Variants in AVL9 observed in about 807,000 individuals in gnomAD.
AVL9 encodes AVL9 cell migration associated, also known as late secretory pathway protein AVL9 homolog.
In AVL9, 49 loss-of-function variants were observed where a neutral mutation model predicts 79.2. The ratio of observed to expected loss-of-function variants is 0.62; its 90% confidence interval spans 0.49 to 0.79. The LOEUF (loss-of-function observed/expected upper bound fraction) is 0.79. AVL9 is among the 30% of genes least tolerant of loss of function. The pLI is 0.00. For missense variants in AVL9, 682 were observed against 776.8 expected (o/e 0.88, Z 1.45); for synonymous variants, 299 against 280.6 (o/e 1.07, Z -0.65).
intron 1 of AVL9, among the ~76,000 whole-genome samples, chr7:32,502,631 G>A (rs1373792685): frequency 6.6e-6 from 1 of 152,090 alleles, no homozygotes; most frequent in Non-Finnish European, 1.5e-5. Flanking sequence ...GAACATCCTT[G>A]TGGCTTTTTG....
At chr7:32,532,646 C>T (rs1370851511) in intron 1 of AVL9, 1 of 152,212 alleles carries the variant, frequency 6.6e-6, no homozygotes, top group East Asian at 1.9e-4. Flanking sequence ...AATAATAGCT[C>T]TTTAATTCTA....
chr7:32,566,417 C>T (rs1158969122), intron 10 of AVL9, among the ~76,000 whole-genome samples: 1 of 150,946 alleles, frequency 6.6e-6, no homozygotes, highest in Non-Finnish European at 1.5e-5. Flanking sequence ...AGTCTGCCCA[C>T]CCTAGCCTTC....
chr7:32,546,950 C>G (rs189359007), intron 3 of AVL9, among the ~76,000 whole-genome samples: 29 of 152,222 alleles, frequency 1.9e-4, no homozygotes, highest in African/African-American at 7.0e-4. Flanking sequence ...GCATGCTGCT[C>G]AAAAGACAGG....
rs1268487372 is a variant in AVL9, at chr7:32,504,596, A to G, written c.93+8794A>G. Among the ~76,000 whole-genome samples, 5 of 152,236 alleles carry G rather than the reference A, an allele frequency of 3.3e-5. No individual in the cohort carries two copies. The East Asian group carries it at 9.6e-4, about 29-fold the overall frequency. On this transcript the variant is annotated intron_variant, in intron 1 of 15. Coordinates refer to ENST00000318709, the MANE Select transcript of AVL9 (RefSeq NM_015060.3). ...TATGGACTTCAGTTTCTTCATCTAT[A>G]AAATGAGAGTTTTAAAGTAGGTGAC...
At chr7:32,575,855 C>A in intron 12 of AVL9, 100 bp from the exon 13 acceptor site, 1 of 757,736 alleles carries the variant, frequency 1.3e-6, no homozygotes, top group Non-Finnish European at 2.2e-6. Flanking sequence ...TATGGGAGGG[C>A]AAGGGGATAA....
chr7:32,524,956 G>T (rs1788335831), intron 1 of AVL9, among the ~76,000 whole-genome samples: 1 of 152,154 alleles, frequency 6.6e-6, no homozygotes, highest in African/African-American at 2.4e-5. Flanking sequence ...CATAGATCTT[G>T]CTACCTGGAT....
chr7:32,564,819 A>G (rs1385325636), intron 10 of AVL9, among the ~76,000 whole-genome samples: 1 of 152,212 alleles, frequency 6.6e-6, no homozygotes, highest in Non-Finnish European at 1.5e-5. Context: ...GGCTGCCTAT[A>G]GGGTGATGGG....
Position 32,544,748 on chromosome 7 carries a change from G to A in AVL9, c.269G>A (p.Gly90Asp). Residue 90 changes from glycine to aspartate, a missense_variant, in exon 3 of 16, where the codon GGT becomes GAT. Physicochemically the swap from Gly to Asp is moderately conservative, Grantham distance 94. Coordinates refer to ENST00000318709, the MANE Select transcript of AVL9 (RefSeq NM_015060.3). ...PRNGNGATVF[G>D]ISCYRQIEAK... ...AATGGAAATGGAGCCACAGTATTTGGTATCTCTTGCTATCGACAAATTGAA... is the reference window on the plus strand; with the variant it reads ...AATGGAAATGGAGCCACAGTATTTGATATCTCTTGCTATCGACAAATTGAA... 6.2e-7 allele frequency: 1 copy of A among 1,613,638 alleles called. No homozygotes were observed. Among genetic ancestry groups the A allele is most frequent in the South Asian group, 1.1e-5 (1 of 91,000 alleles).
At chr7:32,576,095 G>T in intron 13 of AVL9, 23 bp downstream of exon 13, 2 of 1,513,666 alleles carry the variant, frequency 1.3e-6, no homozygotes, top group Non-Finnish European at 1.8e-6. Context: ...TCTGAAGATT[G>T]ATAGTACATA....
intron 1 of AVL9, among the ~76,000 whole-genome samples, chr7:32,497,608 C>T (rs1344237174): frequency 6.6e-6 from 1 of 150,902 alleles, no homozygotes; most frequent in Admixed American, 6.6e-5. Context: ...TTAGACTGCT[C>T]TTCCAAGTAT....
At chr7:32,497,653 C>CTTT (rs59504023) in intron 1 of AVL9, among the ~76,000 whole-genome samples, 15 of 117,104 alleles carry the variant, frequency 1.3e-4, no homozygotes, top group Non-Finnish European at 1.4e-4. Flanking sequence ...ACCATTAGTT[C>CTTT]TTTTTTTTTT....
intron 1 of AVL9, among the ~76,000 whole-genome samples, chr7:32,541,905 G>A (rs1789227378): frequency 6.6e-6 from 1 of 151,910 alleles, no homozygotes; most frequent in Admixed American, 6.6e-5. Flanking sequence ...AGTAGGGACG[G>A]GATTTCACCA....
intron 6 of AVL9, 37 bp downstream of exon 6, chr7:32,552,332 C>T (rs553935912): frequency 7.5e-7 from 1 of 1,329,040 alleles, no homozygotes; most frequent in African/African-American, 1.5e-5. Flanking sequence ...GAGATCCCCT[C>T]ATTTCTATTT....
chr7:32,495,625 TCC>T lies in AVL9; in HGVS notation c.-84_-83del, dbSNP rs1165033568. On this transcript the variant is annotated 5_prime_UTR_variant, in exon 1 of 16. Coordinates refer to ENST00000318709, the MANE Select transcript of AVL9 (RefSeq NM_015060.3). ...GTGCTGTGCTCGCTGACACCCGAAGTCCGCGGCTTTCCGCACACGGTGGGGTC... is the reference window on the plus strand; with the variant it reads ...GTGCTGTGCTCGCTGACACCCGAAGTGCGGCTTTCCGCACACGGTGGGGTC... The T allele has an allele frequency of 2.2e-6, 2 of 915,346 alleles. No individual in the cohort carries two copies. Among genetic ancestry groups the T allele is most frequent in the African/African-American group, 3.5e-5 (2 of 57,956 alleles). The allele number at this position is 915,346 out of a possible 1,614,324, so 56.7% of individuals were successfully genotyped here. A position where few individuals can be genotyped will look rare whatever the true frequency, so the allele number is the denominator to read the frequency against.
At chr7:32,544,620 ATAGCTTCAGATTATAC>A in intron 2 of AVL9, 58 bp from the exon 3 acceptor site, 1 of 1,017,166 alleles carries the variant, frequency 9.8e-7, no homozygotes, top group South Asian at 1.4e-5. Flanking sequence ...CTGCATTATG[ATAGCTTCAGATTATAC>A]TACTTATTAA....
rs1272226275 is a variant in AVL9 at position 32,587,383 on chromosome 7, T to C, written c.*3476T>C. ...TCACCCTGGCAGGTAGGTTTTGTTA[T>C]TGTTTTACATTTTGTGAAAAAAAGT... is the stretch of plus-strand genomic sequence containing the variant. On this transcript the variant is annotated 3_prime_UTR_variant, in exon 16 of 16. Transcript: ENST00000318709. 2 of 152,246 alleles carry C rather than the reference T, an allele frequency of 1.3e-5. No individual in the cohort carries two copies. Among genetic ancestry groups the C allele is most frequent in the Non-Finnish European group, 2.9e-5 (2 of 68,052 alleles). The allele number at this position is 152,246 out of a possible 1,614,324, so 9.4% of individuals were successfully genotyped here. A position where few individuals can be genotyped will look rare whatever the true frequency, so the allele number is the denominator to read the frequency against.
chr7:32,525,770 C>G, intron 1 of AVL9, among the ~76,000 whole-genome samples: 1 of 152,114 alleles, frequency 6.6e-6, no homozygotes, highest in East Asian at 1.9e-4. Flanking sequence ...ATTTATTTCT[C>G]CTTGTTTTAC....
chr7:32,576,884 G>A (rs910645803), intron 13 of AVL9, among the ~76,000 whole-genome samples: 1 of 152,196 alleles, frequency 6.6e-6, no homozygotes, highest in African/African-American at 2.4e-5. Flanking sequence ...AATACCTGCT[G>A]TAATACTGAA....
intron 1 of AVL9, chr7:32,537,254 T>G (rs1788953506): frequency 6.6e-6 from 1 of 152,090 alleles, no homozygotes; most frequent in Non-Finnish European, 1.5e-5. Flanking sequence ...CAAAAGATGC[T>G]CCTATTACTC....
Sources: gnomAD v4.1 joint callset for allele counts (sites outside exome capture counted in the v4.1 genomes callset) on GRCh38, gnomAD v4.1.1 for gene constraint, MANE v1.5 for transcripts, NCBI Gene and HGNC (gene_info 2026-07-23, HGNC 2026-07-21) for gene names.